SLC44A5: variants seen among roughly 807,000 people sequenced by gnomAD.
SLC44A5 encodes choline transporter-like protein 5.
Under a neutral mutation model 101.8 loss-of-function variants are expected in SLC44A5, and 57 were observed. The ratio of observed to expected loss-of-function variants is 0.56; its 90% CI spans 0.45 to 0.70. The LOEUF (loss-of-function observed/expected upper bound fraction) is 0.70, where lower values mean the gene tolerates loss of function less well. Ranked by LOEUF, SLC44A5 falls within the 30% of genes least tolerant of loss-of-function variation. SLC44A5 has a pLI of 0.00. For synonymous variants in SLC44A5, 281 were observed against 290.9 expected (o/e 0.97, Z 0.35); for missense variants, 737 against 853.1 (o/e 0.86, Z 1.70).
In SLC44A5 at chr1:75,203,425, G is replaced by T. The variant is rs1028802032; in HGVS notation, c.*302C>A. ...AGTAATGTATCATTTTTCAATCTAA[G>T]ATTTAAAAGAATATTAACATATTCA... On this transcript the variant is annotated 3_prime_UTR_variant, in exon 24 of 24. Transcript: ENST00000370859. The T allele has an allele frequency of 7.9e-5, 16 of 201,632 alleles. No individual in the cohort carries two copies. In the Admixed American group the frequency reaches 8.9e-4, roughly 11 times the overall value. 12.5% of individuals were successfully genotyped at this position (201,632 alleles called of 1,614,324 possible). A position where few individuals can be genotyped will look rare whatever the true frequency, so the allele number is the denominator to read the frequency against.
chr1:75,541,047 A>G (rs192540076), intron 2 of SLC44A5, among the ~76,000 whole-genome samples: 13 of 152,310 alleles, frequency 8.5e-5, no homozygotes, highest in Admixed American at 6.5e-4. Flanking sequence ...TCTAGGATAA[A>G]CTGTTAAAAC....
intron 3 of SLC44A5, among the ~76,000 whole-genome samples, chr1:75,386,403 T>C (rs1433446692): frequency 1.3e-5 from 2 of 152,126 alleles, no homozygotes; most frequent in Non-Finnish European, 2.9e-5. Flanking sequence ...CAAGCATTCC[T>C]ATACACCAAC....
At chr1:75,479,854 C>T (rs1280058283) in intron 2 of SLC44A5, among the ~76,000 whole-genome samples, 1 of 151,956 alleles carries the variant, frequency 6.6e-6, no homozygotes, top group Non-Finnish European at 1.5e-5. Flanking sequence ...CCTTCTGAAA[C>T]TATTCCAATC....
the SLC44A5 span, among the ~76,000 whole-genome samples, chr1:75,625,366 C>T: frequency 4.6e-5 from 7 of 152,026 alleles, no homozygotes; most frequent in Non-Finnish European, 7.4e-5. Context: ...GAAAATTGGC[C>T]TTGCAATTCA....
intron 2 of SLC44A5, among the ~76,000 whole-genome samples, chr1:75,429,233 C>G (rs1664477294): frequency 1.3e-5 from 2 of 152,168 alleles, no homozygotes; most frequent in African/African-American, 4.8e-5. Flanking sequence ...TAGGAATCAT[C>G]ATCAGCCTAA....
At chr1:75,702,289 T>C in the SLC44A5 span, among the ~76,000 whole-genome samples, 1 of 152,164 alleles carries the variant, frequency 6.6e-6, no homozygotes, top group Non-Finnish European at 1.5e-5. Flanking sequence ...GAAAACAGCA[T>C]GGTACTGGTA....
At chr1:75,435,688 G>A (rs960355862) in intron 2 of SLC44A5, among the ~76,000 whole-genome samples, 1 of 151,978 alleles carries the variant, frequency 6.6e-6, no homozygotes, top group African/African-American at 2.4e-5. Flanking sequence ...TCCTTTTATT[G>A]GTTTATGAGA....
the SLC44A5 span, among the ~76,000 whole-genome samples, chr1:75,649,250 CA>C: frequency 7.2e-5 from 11 of 152,164 alleles, no homozygotes; most frequent in Non-Finnish European, 1.2e-4. Context: ...CCTAAGGCAA[CA>C]TGGCCTTTTG....
At chr1:75,512,941 T>C (rs1384391208) in intron 2 of SLC44A5, among the ~76,000 whole-genome samples, 1 of 152,234 alleles carries the variant, frequency 6.6e-6, no homozygotes, top group Non-Finnish European at 1.5e-5. Context: ...GATCATAGTA[T>C]TCGGGACTTT....
At chr1:75,217,656 C>T (rs1327766639) in intron 18 of SLC44A5, among the ~76,000 whole-genome samples, 1 of 152,040 alleles carries the variant, frequency 6.6e-6, no homozygotes, top group Non-Finnish European at 1.5e-5. Context: ...GGATCACACA[C>T]CTTTTCTCTC....
chr1:75,396,462 G>T (rs41291504), intron 3 of SLC44A5, 121 bp downstream of exon 3: 8,640 of 834,470 alleles, frequency 0.01, 79 homozygotes, highest in South Asian at 0.019. Flanking sequence ...GCTTCAGTCA[G>T]CAATTATTCT....
intron 1 of SLC44A5, among the ~76,000 whole-genome samples, chr1:75,565,348 G>C (rs1672735006): frequency 6.6e-6 from 1 of 152,186 alleles, no homozygotes; most frequent in African/African-American, 2.4e-5. Context: ...GAGAAGTCTA[G>C]AGAGAACAAT....
intron 1 of SLC44A5, among the ~76,000 whole-genome samples, chr1:75,560,621 A>G (rs143957708): frequency 5.9e-5 from 9 of 152,318 alleles, no homozygotes; most frequent in Non-Finnish European, 5.9e-5. Flanking sequence ...ACAAAAGTAC[A>G]CTTTAAAAAT....
intron 2 of SLC44A5, among the ~76,000 whole-genome samples, chr1:75,470,354 A>G (rs1328399762): frequency 1.3e-5 from 2 of 152,166 alleles, no homozygotes; most frequent in Non-Finnish European, 2.9e-5. Flanking sequence ...TACCTTATAA[A>G]TGTTCCTCAC....
intron 4 of SLC44A5, among the ~76,000 whole-genome samples, chr1:75,306,784 G>T (rs1654942506): frequency 7.6e-6 from 1 of 131,302 alleles, no homozygotes; most frequent in East Asian, 2.9e-4. Context: ...GCCCAGGCGG[G>T]AGTGCAGTGG....
intron 2 of SLC44A5, among the ~76,000 whole-genome samples, chr1:75,529,370 G>T (rs528109798): frequency 1.3e-5 from 2 of 152,250 alleles, no homozygotes; most frequent in South Asian, 4.1e-4. Flanking sequence ...AGTGATAAAA[G>T]ATGCCCATCA....
the SLC44A5 span, among the ~76,000 whole-genome samples, chr1:75,718,075 T>C: frequency 1.3e-5 from 2 of 152,198 alleles, no homozygotes; most frequent in Admixed American, 6.5e-5. Flanking sequence ...GATAGGATTA[T>C]GAAAGTTAAA....
chr1:75,562,841 T>C (rs74091737), intron 1 of SLC44A5, among the ~76,000 whole-genome samples: 23,949 of 152,146 alleles, frequency 0.16, 2,107 homozygotes, highest in Admixed American at 0.23. Context: ...TTTTTGCTCC[T>C]ATACTCTGTT....
intron 3 of SLC44A5, among the ~76,000 whole-genome samples, chr1:75,356,475 AT>A (rs966785354): frequency 7.2e-5 from 11 of 151,868 alleles, no homozygotes; most frequent in Non-Finnish European, 1.3e-4. Context: ...AAGAAAGAAA[AT>A]TTTTTTGTAC....
Sources: gnomAD v4.1 joint callset for allele counts (sites outside exome capture counted in the v4.1 genomes callset) on GRCh38, gnomAD v4.1.1 for gene constraint, MANE v1.5 for transcripts, NCBI Gene and HGNC (gene_info 2026-07-23, HGNC 2026-07-21) for gene names.